GRIK4: variants seen among roughly 807,000 people sequenced by gnomAD.
The protein encoded by GRIK4 is glutamate receptor ionotropic, kainate 4.
Under a neutral mutation model 104.9 loss-of-function variants are expected in GRIK4, and 40 were observed. That is an observed-to-expected ratio of 0.38 (90% CI 0.30 to 0.50). The LOEUF is 0.50. Ranked by LOEUF, GRIK4 falls within the 20% of genes least tolerant of loss-of-function variation. GRIK4 has a pLI of 0.93. For missense variants in GRIK4, 1,047 were observed against 1,308.1 expected, an observed-to-expected ratio of 0.80 and a Z score of 3.08; for synonymous variants, 485 against 524.9, an observed-to-expected ratio of 0.92 and a Z score of 1.04.
chr11:120,583,184 A>G (rs1325227853), intron 1 of GRIK4, among the ~76,000 whole-genome samples: 2 of 152,146 alleles, frequency 1.3e-5, no homozygotes, highest in South Asian at 2.1e-4. Context: ...TCCTTTGCCC[A>G]CTTTTTAATG....
At chr11:120,534,240 C>CA in intron 1 of GRIK4, among the ~76,000 whole-genome samples, 1 of 152,220 alleles carries the variant, frequency 6.6e-6, no homozygotes, top group Admixed American at 6.5e-5. Context: ...AGTTTGGAGT[C>CA]AATTACCAAG....
intron 1 of GRIK4, among the ~76,000 whole-genome samples, chr11:120,539,383 C>T (rs897042513): frequency 6.6e-5 from 10 of 152,196 alleles, no homozygotes; most frequent in African/African-American, 2.4e-4. Flanking sequence ...CCCTTATGTT[C>T]GTATCCACTT....
intron 8 of GRIK4, among the ~76,000 whole-genome samples, chr11:120,861,226 AC>A (rs1954256736): frequency 6.9e-6 from 1 of 145,212 alleles, no homozygotes; most frequent in African/African-American, 2.6e-5. Flanking sequence ...CTCCTGCCTC[AC>A]CCTCCCAAGT....
At chr11:120,698,283 C>T (rs1374312112) in intron 3 of GRIK4, among the ~76,000 whole-genome samples, 1 of 152,200 alleles carries the variant, frequency 6.6e-6, no homozygotes, top group Admixed American at 6.5e-5. Context: ...TTGGGCATCA[C>T]TACACATAAC....
At chr11:120,936,289 C>T in intron 13 of GRIK4, 1 of 513,228 alleles carries the variant, frequency 1.9e-6, no homozygotes. Context: ...TTTGCAACAT[C>T]ACCAATGGAC....
intron 3 of GRIK4, among the ~76,000 whole-genome samples, chr11:120,771,337 A>G (rs1334982854): frequency 6.6e-6 from 1 of 152,238 alleles, no homozygotes; most frequent in African/African-American, 2.4e-5. Flanking sequence ...CATCCTTCTT[A>G]TAAAGTGGCA....
chr11:120,539,951 G>A (rs958441431), intron 1 of GRIK4, among the ~76,000 whole-genome samples: 1 of 152,140 alleles, frequency 6.6e-6, no homozygotes, highest in African/African-American at 2.4e-5. Context: ...CTTTGTCACA[G>A]TGGAGAAGCT....
intron 1 of GRIK4, among the ~76,000 whole-genome samples, chr11:120,598,457 C>T (rs570766599): frequency 1.3e-5 from 2 of 152,170 alleles, no homozygotes; most frequent in East Asian, 1.9e-4. Context: ...CTGCCCACCC[C>T]CTGAGGAGCC....
intron 3 of GRIK4, among the ~76,000 whole-genome samples, chr11:120,697,955 A>C (rs747532833): frequency 1.3e-5 from 2 of 152,096 alleles, no homozygotes; most frequent in Non-Finnish European, 2.9e-5. Context: ...CTCATAGAAG[A>C]GGCCACTATC....
At chr11:120,647,308 C>G (rs1323092784) in intron 1 of GRIK4, among the ~76,000 whole-genome samples, 3 of 152,238 alleles carry the variant, frequency 2.0e-5, no homozygotes, top group Non-Finnish European at 4.4e-5. Context: ...CACATTCACA[C>G]TACCCCCAAC....
intron 3 of GRIK4, among the ~76,000 whole-genome samples, chr11:120,781,632 A>T (rs572365645): frequency 3.9e-5 from 6 of 152,324 alleles, no homozygotes; most frequent in Admixed American, 6.5e-5. Context: ...GATTGCAGGC[A>T]TGAGCCACCG....
chr11:120,934,163 C>T (rs1176801767), intron 13 of GRIK4, among the ~76,000 whole-genome samples: 1 of 148,134 alleles, frequency 6.8e-6, no homozygotes, highest in Non-Finnish European at 1.5e-5. Context: ...CGAGATCACG[C>T]CACTGCACTC....
intron 11 of GRIK4, among the ~76,000 whole-genome samples, chr11:120,881,374 C>G (rs1954963582): frequency 1.3e-5 from 2 of 152,160 alleles, no homozygotes; most frequent in Non-Finnish European, 2.9e-5. Context: ...TAGACCTGAG[C>G]CACACTTTCC....
At position 120,874,299 on chromosome 11, in the gene GRIK4, A is replaced by T. The variant is rs551666732; in HGVS notation, c.1059+81A>T. On this transcript the variant is annotated intron_variant, in intron 10 of 20. Transcript: ENST00000527524. ...TTGGTTCAAGGTACAAGAGTCCCTC[A>T]ACTCCAGGCTTGCTCGAAATGTGTC... 1.5e-5 allele frequency: 17 copies of T among 1,141,068 alleles called. No individual in the cohort carries two copies. The Admixed American group carries it at 1.7e-4, about 11-fold the overall frequency. 70.7% of individuals were successfully genotyped at this position (1,141,068 alleles called of 1,614,324 possible).
intron 3 of GRIK4, among the ~76,000 whole-genome samples, chr11:120,774,009 A>G (rs1042154746): frequency 1.3e-5 from 2 of 152,236 alleles, no homozygotes; most frequent in African/African-American, 4.8e-5. Context: ...CCAAAATTCA[A>G]TAACAAAGAG....
chr11:120,985,081 G>A (rs1027335509), intron 20 of GRIK4, among the ~76,000 whole-genome samples: 1 of 151,620 alleles, frequency 6.6e-6, no homozygotes, highest in East Asian at 2.0e-4. Context: ...TGCCTACCTC[G>A]GCCCTCCAAA....
Position 120,986,440 on chromosome 11 carries a change from C to G in GRIK4, c.*180C>G. The G allele has an allele frequency of 1.2e-6, 1 of 835,116 alleles. No individual in the cohort carries two copies. Among genetic ancestry groups the G allele is most frequent in the Non-Finnish European group, 1.7e-6 (1 of 577,300 alleles). 51.7% of individuals were successfully genotyped at this position (835,116 alleles called of 1,614,324 possible). ...GCCCCAGCCAGAGACCGCGCCCGGT[C>G]AGGGAGCAGGGTCCACCCGGAAACG... On this transcript the variant is annotated 3_prime_UTR_variant, in exon 21 of 21. Coordinates refer to ENST00000527524, the MANE Select transcript of GRIK4 (RefSeq NM_014619.5).
intron 3 of GRIK4, among the ~76,000 whole-genome samples, chr11:120,735,076 C>A (rs1161614221): frequency 6.6e-6 from 1 of 152,126 alleles, no homozygotes; most frequent in Non-Finnish European, 1.5e-5. Context: ...GTCCCTCGTG[C>A]CTTATTTAGT....
intron 13 of GRIK4, among the ~76,000 whole-genome samples, chr11:120,910,923 A>T (rs1401162770): frequency 6.6e-6 from 1 of 152,356 alleles, no homozygotes; most frequent in East Asian, 1.9e-4. Flanking sequence ...AAGAAGAGAC[A>T]CGGAGAGAGA....
Sources: allele counts gnomAD v4.1 joint callset (sites outside exome capture counted in the v4.1 genomes callset), GRCh38; gene constraint gnomAD v4.1.1; transcripts MANE v1.5; gene names NCBI Gene and HGNC (gene_info 2026-07-23, HGNC 2026-07-21).